The following PRAME variants were observed in gnomAD, a reference collection of about 807,000 sequenced individuals.
PRAME encodes the protein melanoma antigen preferentially expressed in tumors.
A neutral mutation model predicts 32.1 loss-of-function variants in PRAME; 21 were observed. The ratio of observed to expected loss-of-function variants is 0.65; its 90% confidence interval spans 0.46 to 0.94. The LOEUF (loss-of-function observed/expected upper bound fraction) is 0.94. Among genes scored for constraint, PRAME ranks in the 40% least tolerant of loss-of-function variants. PRAME has a pLI of 0.00. For missense variants in PRAME, 651 were observed against 622.3 expected (o/e 1.05, Z -0.49); for synonymous variants, 274 against 251.5 (o/e 1.09, Z -0.85).
At chr22:22,551,559 A>G (rs897312159) in intron 3 of PRAME, among the ~76,000 whole-genome samples, 1 of 151,968 alleles carries the variant, frequency 6.6e-6, no homozygotes, top group African/African-American at 2.4e-5. Context: ...GGATGCCATT[A>G]TGTTTCACTA....
intron 3 of PRAME, among the ~76,000 whole-genome samples, 164 bp downstream of exon 3, chr22:22,556,648 G>A (rs2062942505): frequency 1.3e-5 from 2 of 151,840 alleles, no homozygotes; most frequent in Admixed American, 1.3e-4. Context: ...CACGGGAAGT[G>A]AAATGCTCTT....
chr22:22,558,572 G>C (rs1461516940), intron 1 of PRAME, among the ~76,000 whole-genome samples: 1 of 133,888 alleles, frequency 7.5e-6, no homozygotes, highest in Non-Finnish European at 1.6e-5. Context: ...AAGGTGGGGG[G>C]TGAGGGGTGG....
chr22:22,554,228 C>T, intron 3 of PRAME: 4 of 985,200 alleles, frequency 4.1e-6, no homozygotes, highest in Non-Finnish European at 4.8e-6. Flanking sequence ...AGGCCATTCT[C>T]TGCCTCATGC....
Position 22,556,900 on chromosome 22 carries a change from C to T in PRAME, c.-68G>A. On this transcript the variant is annotated 5_prime_UTR_variant, in exon 3 of 6. Coordinates refer to ENST00000405655, the MANE Select transcript of PRAME (RefSeq NM_206956.3). ...ATTTCTAGGTCTCAGTCACTTGTTG[C>T]CACGCACGTCTGAGAGTAATAATCA... The T allele has an allele frequency of 6.4e-7, 1 of 1,567,780 alleles. No individual in the cohort carries two copies. The highest frequency in any genetic ancestry group is 8.8e-7 in the Non-Finnish European group (1 of 1,139,146).
In PRAME at chr22:22,548,360, A is replaced by C; in HGVS notation, c.1237T>G (p.Phe413Val). The C allele has an allele frequency of 2.5e-6, 4 of 1,613,614 alleles. No individual in the cohort carries two copies. Among genetic ancestry groups the C allele is most frequent in the Non-Finnish European group, 3.4e-6 (4 of 1,179,944 alleles). Residue 413 changes from phenylalanine to valine, a missense_variant, in exon 6 of 6, where the codon TTC becomes GTC. Coordinates refer to ENST00000405655, the MANE Select transcript of PRAME (RefSeq NM_206956.3). ...SHCSQLTTLS[F>V]YGNSISISAL... is the part of the protein sequence containing the mutation. ...GATATGGAGATGGAATTCCCGTAGA[A>C]GCTTAAGGTCGTAAGCTGGGAGCAG... is the stretch of plus-strand genomic sequence containing the variant.
intron 3 of PRAME, chr22:22,553,728 G>A: frequency 1.1e-6 from 1 of 935,660 alleles, no homozygotes; most frequent in Non-Finnish European, 1.3e-6. Context: ...ACATTTTCAA[G>A]TCTGAAAGAC....
At chr22:22,550,461 A>T in intron 4 of PRAME, 127 bp from the exon 5 acceptor site, 1 of 1,287,712 alleles carries the variant, frequency 7.8e-7, no homozygotes, top group East Asian at 2.3e-5. Context: ...TTTACTTCGT[A>T]CTTCAGGCAT....
At chr22:22,553,146 T>C (rs1266096720) in intron 3 of PRAME, among the ~76,000 whole-genome samples, 2 of 151,906 alleles carry the variant, frequency 1.3e-5, no homozygotes. Flanking sequence ...ATTACCCAAA[T>C]AGTCCAGTTA....
At chr22:22,548,819 A>G (rs550449035) in intron 5 of PRAME, among the ~76,000 whole-genome samples, 176 bp from the exon 6 acceptor site, 2 of 151,858 alleles carry the variant, frequency 1.3e-5, no homozygotes, top group Admixed American at 6.6e-5. Context: ...TTTCTCCATC[A>G]TTTGCTGTGT....
chr22:22,552,113 T>C (rs2062613812), intron 3 of PRAME, among the ~76,000 whole-genome samples: 1 of 140,896 alleles, frequency 7.1e-6, no homozygotes, highest in Non-Finnish European at 1.5e-5. Context: ...GGAGACCTCA[T>C]CTCTATTAAA....
intron 5 of PRAME, among the ~76,000 whole-genome samples, chr22:22,549,129 AG>A (rs1451802614): frequency 6.6e-6 from 1 of 151,918 alleles, no homozygotes; most frequent in African/African-American, 2.4e-5. Flanking sequence ...CAACATCCAA[AG>A]GGGGTTCCCA....
intron 5 of PRAME, among the ~76,000 whole-genome samples, 177 bp from the exon 6 acceptor site, chr22:22,548,820 T>C (rs765734975): frequency 8.6e-5 from 13 of 151,748 alleles, no homozygotes; most frequent in Non-Finnish European, 1.5e-4. Context: ...TTCTCCATCA[T>C]TTGCTGTGTA....
chr22:22,557,751 C>T (rs1174892243), intron 1 of PRAME, 171 bp from the exon 2 acceptor site: 1 of 37,330 alleles, frequency 2.7e-5, no homozygotes, highest in African/African-American at 1.3e-4. Context: ...CCCAGAGAGT[C>T]GAGAGGGGCT....
chr22:22,551,556 A>G (rs1357571777), intron 3 of PRAME, among the ~76,000 whole-genome samples: 1 of 151,972 alleles, frequency 6.6e-6, no homozygotes, highest in Non-Finnish European at 1.5e-5. Context: ...AATGGATGCC[A>G]TTATGTTTCA....
intron 3 of PRAME, among the ~76,000 whole-genome samples, chr22:22,555,507 A>G (rs1180431300): frequency 6.6e-6 from 1 of 151,790 alleles, no homozygotes; most frequent in African/African-American, 2.4e-5. Context: ...CAAAGTGTTG[A>G]GATTACAAGA....
Position 22,549,973 on chromosome 22 carries a change from C to G in PRAME, c.706G>C (p.Glu236Gln). 6.2e-7 allele frequency: 1 copy of G among 1,613,862 alleles called. No homozygotes were observed. The highest frequency in any genetic ancestry group is 1.7e-5 in the Admixed American group (1 of 59,974). Residue 236 changes from glutamate (E) to glutamine (Q), a missense_variant, in exon 5 of 6, where the codon GAA becomes CAA. Physicochemically the swap from Glu to Gln is conservative, Grantham distance 29 (BLOSUM62 2). Transcript: ENST00000405655. ...CAGGTACAAGTCACTTCCAAATCTTCAATAGAGTCCAGCTGCACCATTTTC... is the reference window on the plus strand; with the variant it reads ...CAGGTACAAGTCACTTCCAAATCTTGAATAGAGTCCAGCTGCACCATTTTC... The part of the protein sequence containing the change: ...ILKMVQLDSI[E>Q]DLEVTCTWKL...
At chr22:22,551,300 T>C (rs188502054) in intron 3 of PRAME, among the ~76,000 whole-genome samples, 34 of 151,970 alleles carry the variant, frequency 2.2e-4, no homozygotes, top group African/African-American at 6.8e-4. Context: ...TCATCAAGTG[T>C]AGAGGAGGGG....
At position 22,549,971 on chromosome 22, in the gene PRAME, TTCAA is replaced by T. The variant is rs1424688125; in HGVS notation, c.704_707del (p.Ile235LysfsTer5). The T allele has an allele frequency of 6.2e-7, 1 of 1,613,854 alleles. No homozygotes were observed. Among genetic ancestry groups the T allele is most frequent in the East Asian group, 2.2e-5 (1 of 44,776 alleles). On this transcript the variant is annotated frameshift_variant, in exon 5 of 6. Coordinates refer to ENST00000405655, the MANE Select transcript of PRAME (RefSeq NM_206956.3). LOFTEE classifies it high-confidence loss of function. Reference sequence around the variant, plus strand: ...TCCAGGTACAAGTCACTTCCAAATCTTCAATAGAGTCCAGCTGCACCATTTTCAG... The same window carrying T: ...TCCAGGTACAAGTCACTTCCAAATCTTAGAGTCCAGCTGCACCATTTTCAG...
At chr22:22,556,757 C>G in intron 3 of PRAME, 55 bp downstream of exon 3, 1 of 1,607,098 alleles carries the variant, frequency 6.2e-7, no homozygotes, top group Non-Finnish European at 8.5e-7. Flanking sequence ...GTGACAAGGA[C>G]AGAGGGGAAC....
Sources: allele counts gnomAD v4.1 joint callset (sites outside exome capture counted in the v4.1 genomes callset), GRCh38; gene constraint gnomAD v4.1.1; transcripts MANE v1.5; gene names NCBI Gene and HGNC (gene_info 2026-07-23, HGNC 2026-07-21).